CYTH3: variants seen among roughly 807,000 people sequenced by gnomAD.
The protein encoded by CYTH3 is cytohesin 3, also known as cytohesin-3.
In CYTH3, 23 loss-of-function variants were observed where a neutral mutation model predicts 55.1. That is an observed-to-expected ratio of 0.42 (90% CI 0.30 to 0.59). The LOEUF is 0.59. CYTH3 is among the 20% of genes least tolerant of loss of function. The probability of loss-of-function intolerance (pLI) is 0.20; values close to 1 mark genes in which losing one functional copy is unlikely to be tolerated. For synonymous variants in CYTH3, 249 were observed against 194.9 expected (o/e 1.28, Z -2.31); for missense variants, 413 against 524.8 (o/e 0.79, Z 2.08).
Position 6,177,895 on chromosome 7 carries a change from T to G in CYTH3, c.296A>C (p.Glu99Ala). The G allele has an allele frequency of 1.2e-6, 2 of 1,614,214 alleles. No homozygotes were observed. Among genetic ancestry groups the G allele is most frequent in the East Asian group, 4.5e-5 (2 of 44,892 alleles). ...IENDLLQSSP[E>A]DVAQFLYKGE... The stretch of plus-strand genomic sequence containing the variant: ...TTTATAAAGGAACTGGGCGACGTCT[T>G]CTGGGGAACTCTGTAGCAGGTCATT... The change falls in exon 5 of 13, where the codon GAA (glutamate) becomes GCA (alanine). Residue 99 changes from glutamate to alanine, a missense_variant. By Grantham distance (107) the Glu-to-Ala change is moderately radical. Transcript: ENST00000350796.
chr7:6,176,733 T>C (rs1308350169), intron 5 of CYTH3, among the ~76,000 whole-genome samples: 2 of 152,218 alleles, frequency 1.3e-5, no homozygotes, highest in African/African-American at 4.8e-5. Context: ...CTAACTGTCC[T>C]GGCAAGGCGT....
chr7:6,210,618 G>A (rs1042889986), intron 1 of CYTH3, among the ~76,000 whole-genome samples: 10 of 152,152 alleles, frequency 6.6e-5, no homozygotes, highest in African/African-American at 2.2e-4. Context: ...CTAAAAATGC[G>A]TGAAATCTAA....
intron 1 of CYTH3, among the ~76,000 whole-genome samples, chr7:6,262,688 T>C (rs1280188634): frequency 2.0e-5 from 3 of 152,130 alleles, no homozygotes; most frequent in African/African-American, 4.8e-5. Context: ...CTCCCATCTT[T>C]ACAAAAAATT....
At chr7:6,267,751 T>A (rs1466302820) in intron 1 of CYTH3, among the ~76,000 whole-genome samples, 2 of 152,204 alleles carry the variant, frequency 1.3e-5, no homozygotes, top group African/African-American at 4.8e-5. Flanking sequence ...CTCGAACTCC[T>A]GACCTCATGA....
intron 1 of CYTH3, among the ~76,000 whole-genome samples, chr7:6,258,235 C>T (rs1780181045): frequency 6.6e-6 from 1 of 151,006 alleles, no homozygotes; most frequent in Admixed American, 6.6e-5. Flanking sequence ...ATCACTGGAG[C>T]CAAGGAGGTT....
At chr7:6,177,711 T>C in intron 5 of CYTH3, 112 bp downstream of exon 5, 1 of 797,054 alleles carries the variant, frequency 1.3e-6, no homozygotes, top group South Asian at 1.6e-5. Context: ...CCACAGCCCG[T>C]GGCTCTATCA....
intron 1 of CYTH3, among the ~76,000 whole-genome samples, chr7:6,263,915 G>T (rs371383771): frequency 4.6e-5 from 7 of 152,200 alleles, no homozygotes; most frequent in South Asian, 4.2e-4. Context: ...AGCTGCAGAA[G>T]ATTACATACA....
intron 1 of CYTH3, among the ~76,000 whole-genome samples, chr7:6,265,565 G>A (rs1388662033): frequency 2.7e-5 from 4 of 150,626 alleles, no homozygotes; most frequent in Non-Finnish European, 5.9e-5. Flanking sequence ...GTTGCAGTGA[G>A]CCGAGATCGC....
Position 6,271,900 on chromosome 7 carries a change from T to C in CYTH3, c.34+574A>G, listed in dbSNP as rs113078765. ...CGTCTACCCTGAACTGAACTCCAGC[T>C]GGCCCCCTCCCCGTTCGAGCAAATC... is the stretch of plus-strand genomic sequence containing the variant. On this transcript the variant is annotated intron_variant, in intron 1 of 12. Transcript: ENST00000350796. 1.6e-4 allele frequency among the ~76,000 whole-genome samples: 25 copies of C among 152,232 alleles called. No homozygotes were observed. The Middle Eastern group carries it at 0.01, about 62-fold the overall frequency.
rs183003328 is a variant in CYTH3 at position 6,270,870 on chromosome 7, T to C, written c.34+1604A>G. ...CTGGAGCACATTAAAGCCTCCTCTT[T>C]TCCTCTTTATTCCTGCTTTAATCTT... On this transcript the variant is annotated intron_variant, in intron 1 of 12. Transcript: ENST00000350796. 9.2e-5 allele frequency among the ~76,000 whole-genome samples: 14 copies of C among 152,308 alleles called. No homozygotes were observed. The East Asian group carries it at 2.7e-3, about 29-fold the overall frequency.
intron 1 of CYTH3, among the ~76,000 whole-genome samples, chr7:6,226,043 T>C (rs35882223): frequency 0.051 from 7,718 of 152,282 alleles, 291 homozygotes; most frequent in Non-Finnish European, 0.077. Flanking sequence ...GAGAACCCAA[T>C]GTGAAACATT....
chr7:6,220,148 C>T (rs763993993), intron 1 of CYTH3, among the ~76,000 whole-genome samples: 7 of 152,070 alleles, frequency 4.6e-5, no homozygotes, highest in African/African-American at 9.7e-5. Flanking sequence ...CTGCCCGCCT[C>T]GGCCTCCCAA....
intron 1 of CYTH3, among the ~76,000 whole-genome samples, chr7:6,270,364 C>T (rs536034583): frequency 2.4e-4 from 37 of 152,344 alleles, no homozygotes; most frequent in South Asian, 1.0e-3. Context: ...CAGCACCTAA[C>T]ATGCTGGCTA....
At chr7:6,232,435 T>C (rs1779410459) in intron 1 of CYTH3, among the ~76,000 whole-genome samples, 1 of 152,180 alleles carries the variant, frequency 6.6e-6, no homozygotes, top group African/African-American at 2.4e-5. Context: ...AAGGCTATCG[T>C]GACAGGTGGA....
Position 6,192,529 on chromosome 7 carries a change from A to ATTT in CYTH3, c.35-2001_35-1999dup, listed in dbSNP as rs36036670. Reference sequence around the variant, plus strand: ...AGCCACTGTGCCCAGCCACAAGTCAATTTTTTTTTTTTTTTTTTTTTGAGA... The same window carrying ATTT: ...AGCCACTGTGCCCAGCCACAAGTCAATTTTTTTTTTTTTTTTTTTTTTTTGAGA... On this transcript the variant is annotated intron_variant, in intron 1 of 12. Transcript: ENST00000350796. Among the ~76,000 whole-genome samples the ATTT allele has an allele frequency of 5.3e-3, 586 of 111,274 alleles. 29 individuals are homozygous for ATTT. Among genetic ancestry groups the ATTT allele is most frequent in the African/African-American group, 0.016 (449 of 27,440 alleles). 73.0% of individuals were successfully genotyped at this position (111,274 alleles called of 152,430 possible).
chr7:6,196,477 G>A (rs890472400), intron 1 of CYTH3, among the ~76,000 whole-genome samples: 91 of 26,756 alleles, frequency 3.4e-3, no homozygotes, highest in African/African-American at 8.9e-3. Context: ...TTTTTTTTTT[G>A]AGACGGAATT....
intron 1 of CYTH3, among the ~76,000 whole-genome samples, chr7:6,264,974 C>G (rs1780450199): frequency 6.6e-6 from 1 of 152,140 alleles, no homozygotes; most frequent in South Asian, 2.1e-4. Context: ...AGGAAGACTT[C>G]TGTGATAAGG....
At chr7:6,166,220 T>C (rs957004035) in intron 9 of CYTH3, among the ~76,000 whole-genome samples, 2 of 152,136 alleles carry the variant, frequency 1.3e-5, no homozygotes, top group African/African-American at 4.8e-5. Context: ...TCAAAATCAG[T>C]CACCCCTGGG....
At chr7:6,200,079 A>T (rs569162225) in intron 1 of CYTH3, among the ~76,000 whole-genome samples, 1 of 152,346 alleles carries the variant, frequency 6.6e-6, no homozygotes, top group South Asian at 2.1e-4. Context: ...AGGCAGTTTA[A>T]AATGTATAAT....
Sources: gnomAD v4.1 joint callset for allele counts (sites outside exome capture counted in the v4.1 genomes callset) on GRCh38, gnomAD v4.1.1 for gene constraint, MANE v1.5 for transcripts, NCBI Gene and HGNC (gene_info 2026-07-23, HGNC 2026-07-21) for gene names.